UBE2D1: variants seen among roughly 807,000 people sequenced by gnomAD.
UBE2D1 encodes ubiquitin-conjugating enzyme E2 D1.
In UBE2D1, 9 loss-of-function variants were observed where a neutral mutation model predicts 24.6. That is an observed-to-expected ratio of 0.37 (90% CI 0.22 to 0.64). UBE2D1 has a LOEUF of 0.64. Among genes scored for constraint, UBE2D1 ranks in the 30% least tolerant of loss-of-function variants. UBE2D1 has a pLI of 0.64. For missense variants in UBE2D1, 87 were observed against 177.1 expected, an observed-to-expected ratio of 0.49 and a Z score of 2.89; for synonymous variants, 57 against 57.6, an observed-to-expected ratio of 0.99 and a Z score of 0.04.
intron 1 of UBE2D1, among the ~76,000 whole-genome samples, chr10:58,338,089 C>T (rs2132312031): frequency 6.6e-6 from 1 of 152,178 alleles, no homozygotes; most frequent in South Asian, 2.1e-4. Context: ...TCAGGCAATC[C>T]ACCTACCTCG....
intron 5 of UBE2D1, 85 bp downstream of exon 5, chr10:58,364,961 AAAC>A (rs1840239513): frequency 3.2e-5 from 34 of 1,072,740 alleles, no homozygotes; most frequent in Non-Finnish European, 4.5e-5. Flanking sequence ...TAAAGTTTTA[AAAC>A]AACAATCAAC....
At chr10:58,335,256 G>A in intron 1 of UBE2D1, 31 bp downstream of exon 1, 1 of 1,514,550 alleles carries the variant, frequency 6.6e-7, no homozygotes. Context: ...TGGGGCTGCG[G>A]GGCAGCGGCC....
At chr10:58,344,303 A>T (rs1839992987) in intron 1 of UBE2D1, among the ~76,000 whole-genome samples, 1 of 152,076 alleles carries the variant, frequency 6.6e-6, no homozygotes, top group Non-Finnish European at 1.5e-5. Flanking sequence ...TACAGTGTTG[A>T]GGTGAGTATT....
At chr10:58,363,060 C>T (rs1329766141) in intron 3 of UBE2D1, among the ~76,000 whole-genome samples, 2 of 152,008 alleles carry the variant, frequency 1.3e-5, no homozygotes, top group Admixed American at 6.6e-5. Flanking sequence ...GGGTTCTCTA[C>T]ATTATTTTAT....
At chr10:58,342,910 A>T (rs1369521583) in intron 1 of UBE2D1, among the ~76,000 whole-genome samples, 4 of 150,240 alleles carry the variant, frequency 2.7e-5, no homozygotes, top group African/African-American at 9.8e-5. Flanking sequence ...GCTCACTGCA[A>T]CCTCTGCTTC....
At chr10:58,342,807 G>A (rs1564557796) in intron 1 of UBE2D1, among the ~76,000 whole-genome samples, 2 of 148,930 alleles carry the variant, frequency 1.3e-5, no homozygotes, top group African/African-American at 2.5e-5. Context: ...TAAATTGTGG[G>A]TACTTGTTTT....
At chr10:58,340,222 G>A (rs892369066) in intron 1 of UBE2D1, among the ~76,000 whole-genome samples, 3 of 152,112 alleles carry the variant, frequency 2.0e-5, no homozygotes, top group African/African-American at 7.2e-5. Context: ...ATTAAATTTT[G>A]AAATGATGAC....
intron 1 of UBE2D1, among the ~76,000 whole-genome samples, chr10:58,359,302 A>G (rs1160037102): frequency 6.6e-6 from 1 of 152,218 alleles, no homozygotes; most frequent in Non-Finnish European, 1.5e-5. Context: ...GTGTTTTAAA[A>G]TAAATTGGCA....
intron 5 of UBE2D1, among the ~76,000 whole-genome samples, chr10:58,365,159 T>C (rs1220593918): frequency 4.6e-5 from 7 of 152,132 alleles, no homozygotes; most frequent in Admixed American, 4.6e-4. Context: ...TCCTTTTAGC[T>C]TGGGTGTTGT....
intron 1 of UBE2D1, among the ~76,000 whole-genome samples, chr10:58,359,705 A>G (rs1009708014): frequency 6.6e-6 from 1 of 152,342 alleles, no homozygotes; most frequent in African/African-American, 2.4e-5. Flanking sequence ...GCATGCAGTG[A>G]AGTATGTCAC....
intron 1 of UBE2D1, among the ~76,000 whole-genome samples, chr10:58,343,581 C>T (rs185980731): frequency 1.3e-5 from 2 of 152,180 alleles, no homozygotes; most frequent in Admixed American, 1.3e-4. Flanking sequence ...TATACACATA[C>T]ACAGAGACAC....
rs1280429404 is a variant in UBE2D1 at position 58,369,465 on chromosome 10, G to T, written c.*700G>T. On this transcript the variant is annotated 3_prime_UTR_variant, in exon 7 of 7. Transcript: ENST00000373910. ...CAATGTGAATTAATTGCACTGCTAA[G>T]TAGGAAGATGTGTAACTTTTATTTG... is the stretch of plus-strand genomic sequence containing the variant. 1.3e-5 allele frequency: 2 copies of T among 152,530 alleles called. No individual in the cohort carries two copies. Among genetic ancestry groups the T allele is most frequent in the Non-Finnish European group, 2.9e-5 (2 of 67,864 alleles). 9.4% of individuals were successfully genotyped at this position (152,530 alleles called of 1,614,324 possible).
intron 5 of UBE2D1, among the ~76,000 whole-genome samples, chr10:58,365,471 C>T (rs1840245972): frequency 6.6e-6 from 1 of 152,190 alleles, no homozygotes; most frequent in African/African-American, 2.4e-5. Flanking sequence ...AGACATTTCA[C>T]ACTGTAGGAT....
chr10:58,338,791 T>C (rs1411326965), intron 1 of UBE2D1, among the ~76,000 whole-genome samples: 1 of 152,206 alleles, frequency 6.6e-6, no homozygotes, highest in East Asian at 1.9e-4. Flanking sequence ...TGTGATAAGT[T>C]TATTTACATT....
intron 1 of UBE2D1, among the ~76,000 whole-genome samples, chr10:58,353,994 G>T (rs1010407675): frequency 6.6e-6 from 1 of 152,144 alleles, no homozygotes; most frequent in African/African-American, 2.4e-5. Flanking sequence ...TAAATAAAGT[G>T]CATAAAATTC....
chr10:58,339,329 C>T (rs761657164), intron 1 of UBE2D1, among the ~76,000 whole-genome samples: 2 of 152,190 alleles, frequency 1.3e-5, no homozygotes, highest in Admixed American at 6.5e-5. Context: ...TAGTCTCGAA[C>T]TCCTGACCTC....
chr10:58,340,998 G>A (rs1374165322), intron 1 of UBE2D1, among the ~76,000 whole-genome samples: 2 of 152,162 alleles, frequency 1.3e-5, no homozygotes, highest in Non-Finnish European at 2.9e-5. Context: ...CATTTTCACT[G>A]ACACATTGCT....
chr10:58,368,057 C>A, intron 6 of UBE2D1, 41 bp downstream of exon 6: 2 of 1,393,478 alleles, frequency 1.4e-6, no homozygotes, highest in Non-Finnish European at 2.0e-6. Context: ...GGATACATTC[C>A]TATATAGTAT....
At chr10:58,354,047 G>A (rs908148041) in intron 1 of UBE2D1, among the ~76,000 whole-genome samples, 1 of 152,090 alleles carries the variant, frequency 6.6e-6, no homozygotes, top group Admixed American at 6.6e-5. Flanking sequence ...ACAGATGGGG[G>A]AAAGTTAGCA....
Sources: allele counts gnomAD v4.1 joint callset (sites outside exome capture counted in the v4.1 genomes callset), GRCh38; gene constraint gnomAD v4.1.1; transcripts MANE v1.5; gene names NCBI Gene and HGNC (gene_info 2026-07-23, HGNC 2026-07-21).